The following ATP13A3 variants were observed in gnomAD, a reference collection of about 807,000 sequenced individuals.
The protein encoded by ATP13A3 is polyamine-transporting ATPase 13A3.
Under a neutral mutation model 158.1 loss-of-function variants are expected in ATP13A3, and 59 were observed. The observed-to-expected ratio is 0.37, with a 90% CI of 0.30 to 0.46. The LOEUF is 0.46. Among genes scored for constraint, ATP13A3 ranks in the 20% least tolerant of loss-of-function variants. ATP13A3 has a pLI of 1.00. For missense variants in ATP13A3, 1,166 were observed against 1,525.2 expected (o/e 0.76, Z 3.92); for synonymous variants, 491 against 504.3 (o/e 0.97, Z 0.35).
chr3:194,408,503 C>A (rs1715119938), intron 33 of ATP13A3, among the ~76,000 whole-genome samples: 4 of 152,206 alleles, frequency 2.6e-5, no homozygotes, highest in Admixed American at 2.0e-4. Context: ...ACACATATCT[C>A]AATTCACTGT....
In ATP13A3 at chr3:194,428,050, G is replaced by A. The variant is rs1340192292; in HGVS notation, c.2947+795C>T. Among the ~76,000 whole-genome samples, 12 of 151,878 alleles carry A rather than the reference G, an allele frequency of 7.9e-5. No homozygotes were observed. In the East Asian group the frequency reaches 1.4e-3, roughly 17 times the overall value. On this transcript the variant is annotated intron_variant, in intron 28 of 33. Transcript: ENST00000645319. Reference sequence around the variant, plus strand: ...GGCCTGGCCAACATGGTGAAACCCCGATTCTACTAAAAATATAAAAATTAG... The same window carrying A: ...GGCCTGGCCAACATGGTGAAACCCCAATTCTACTAAAAATATAAAAATTAG...
chr3:194,410,935 GGGGTGT>G (rs1715367319), intron 33 of ATP13A3, among the ~76,000 whole-genome samples: 1 of 121,356 alleles, frequency 8.2e-6, no homozygotes, highest in African/African-American at 4.1e-5. Flanking sequence ...TTGGGGTGTT[GGGGTGT>G]GTGTGTGTGT....
At chr3:194,410,750 A>T (rs1421170900) in intron 33 of ATP13A3, among the ~76,000 whole-genome samples, 1 of 152,150 alleles carries the variant, frequency 6.6e-6, no homozygotes, top group South Asian at 2.1e-4. Flanking sequence ...CAAAACATGC[A>T]ATTTCTTGTT....
chr3:194,407,647 G>T (rs2108694939), intron 33 of ATP13A3, among the ~76,000 whole-genome samples: 1 of 152,240 alleles, frequency 6.6e-6, no homozygotes, highest in South Asian at 2.1e-4. Context: ...CTGCTACCAA[G>T]AATTTAAAGG....
intron 28 of ATP13A3, 22 bp downstream of exon 28, chr3:194,428,823 A>G (rs1370345967): frequency 2.6e-6 from 4 of 1,534,028 alleles, no homozygotes; most frequent in African/African-American, 1.4e-5. Context: ...TTTAAAAATC[A>G]ATAACAAAGC....
chr3:194,419,827 A>G, intron 31 of ATP13A3, 52 bp downstream of exon 31: 2 of 1,525,980 alleles, frequency 1.3e-6, no homozygotes, highest in Non-Finnish European at 1.7e-6. Flanking sequence ...AAAAAAAGAA[A>G]TGTATACAGG....
rs770362727 is a variant in ATP13A3, at chr3:194,437,147, G to A, written c.2068C>T (p.His690Tyr). The A allele has an allele frequency of 6.2e-7, 1 of 1,614,086 alleles. No individual in the cohort carries two copies. The highest frequency in any genetic ancestry group is 1.7e-5 in the Admixed American group (1 of 60,026). ...GTCAGTTTTGACTCCAATTTTCTGTGTGCAAGAGCAATCACACGGAAGCCC... is the reference window on the plus strand; with the variant it reads ...GTCAGTTTTGACTCCAATTTTCTGTATGCAAGAGCAATCACACGGAAGCCC... ...KQGFRVIALA[H>Y]RKLESKLTWH... Residue 690 changes from histidine to tyrosine, a missense_variant, in exon 20 of 34, where the codon CAC (histidine) becomes TAC (tyrosine). Physicochemically the swap from His to Tyr is moderately conservative, Grantham distance 83 (BLOSUM62 2). Coordinates refer to ENST00000645319, the MANE Select transcript of ATP13A3 (RefSeq NM_001367549.1).
chr3:194,427,708 CTAAA>C (rs1331205262), intron 28 of ATP13A3, among the ~76,000 whole-genome samples: 2 of 150,932 alleles, frequency 1.3e-5, no homozygotes, highest in Non-Finnish European at 3.0e-5. Flanking sequence ...AATAGTAAAA[CTAAA>C]TATAAACACA....
At chr3:194,466,882 A>C (rs1174746663) in intron 2 of ATP13A3, among the ~76,000 whole-genome samples, 1 of 152,250 alleles carries the variant, frequency 6.6e-6, no homozygotes, top group African/African-American at 2.4e-5. Flanking sequence ...TTTAGACAGA[A>C]GAAAACTTTC....
intron 8 of ATP13A3, 78 bp downstream of exon 8, chr3:194,455,815 T>C (rs1202134241): frequency 1.3e-5 from 12 of 935,880 alleles, no homozygotes; most frequent in Non-Finnish European, 1.8e-5. Flanking sequence ...AAACCAAGAA[T>C]ATTTTAATCA....
intron 2 of ATP13A3, among the ~76,000 whole-genome samples, chr3:194,468,668 TAGTG>T: frequency 6.6e-6 from 1 of 152,280 alleles, no homozygotes; most frequent in Admixed American, 6.5e-5. Context: ...AATATTATAA[TAGTG>T]AGTGTGGAGA....
chr3:194,415,108 A>G (rs971045391), intron 31 of ATP13A3, among the ~76,000 whole-genome samples: 14 of 152,218 alleles, frequency 9.2e-5, no homozygotes, highest in African/African-American at 3.1e-4. Context: ...CAGAGCTAAG[A>G]AAAGGCCAAA....
chr3:194,479,100 C>G (rs910452155), intron 2 of ATP13A3, among the ~76,000 whole-genome samples: 1 of 152,036 alleles, frequency 6.6e-6, no homozygotes, highest in African/African-American at 2.4e-5. Context: ...AGGATTGGGG[C>G]GGGGGGTACT....
intron 10 of ATP13A3, 81 bp downstream of exon 10, chr3:194,453,625 T>C: frequency 9.8e-7 from 1 of 1,021,824 alleles, no homozygotes; most frequent in East Asian, 2.4e-5. Context: ...AATGTATATG[T>C]ATTATACTTT....
At chr3:194,419,567 T>C (rs945892725) in intron 31 of ATP13A3, among the ~76,000 whole-genome samples, 23 of 152,174 alleles carry the variant, frequency 1.5e-4, no homozygotes, top group Non-Finnish European at 1.5e-5. Flanking sequence ...GGAGCATGTG[T>C]AGACTACTCA....
intron 2 of ATP13A3, among the ~76,000 whole-genome samples, chr3:194,479,065 C>T (rs1720642927): frequency 6.6e-6 from 1 of 152,154 alleles, no homozygotes; most frequent in Non-Finnish European, 1.5e-5. Context: ...TAGTGAGTCA[C>T]TATGGGCCGC....
chr3:194,413,985 G>T, intron 31 of ATP13A3, 146 bp from the exon 32 acceptor site: 1 of 676,938 alleles, frequency 1.5e-6, no homozygotes, highest in Non-Finnish European at 2.6e-6. Context: ...ACAATGCCCC[G>T]CGGTATATAT....
intron 29 of ATP13A3, among the ~76,000 whole-genome samples, chr3:194,426,412 C>T (rs1447622363): frequency 6.6e-6 from 1 of 152,170 alleles, no homozygotes; most frequent in African/African-American, 2.4e-5. Flanking sequence ...AAAGCAAATG[C>T]ACCTAATTTA....
intron 14 of ATP13A3, among the ~76,000 whole-genome samples, chr3:194,445,668 T>A (rs1718352072): frequency 6.6e-6 from 1 of 152,218 alleles, no homozygotes; most frequent in African/African-American, 2.4e-5. Flanking sequence ...TATGAAATAA[T>A]TGTAGCAGTA....
Sources: allele counts gnomAD v4.1 joint callset (sites outside exome capture counted in the v4.1 genomes callset), GRCh38; gene constraint gnomAD v4.1.1; transcripts MANE v1.5; gene names NCBI Gene and HGNC (gene_info 2026-07-23, HGNC 2026-07-21).